GARNL3: variants seen among roughly 807,000 people sequenced by gnomAD.
The protein encoded by GARNL3 is GTPase activating Rap/RanGAP domain like 3.
GARNL3 carries 63 observed loss-of-function variants against 125.0 expected under a neutral mutation model. The ratio of observed to expected loss-of-function variants is 0.50; its 90% CI spans 0.41 to 0.62. GARNL3 has a LOEUF of 0.62. Among genes scored for constraint, GARNL3 ranks in the 20% least tolerant of loss-of-function variants. The pLI, the probability that GARNL3 is intolerant of heterozygous loss-of-function variation, is 0.00. For missense variants in GARNL3, 994 were observed against 1,244.0 expected (o/e 0.80, Z 3.02); for synonymous variants, 439 against 457.5 (o/e 0.96, Z 0.52).
At chr9:127,338,544 C>G (rs534089763) in intron 12 of GARNL3, among the ~76,000 whole-genome samples, 2 of 152,128 alleles carry the variant, frequency 1.3e-5, no homozygotes, top group East Asian at 3.8e-4. Context: ...GATTTGAGTT[C>G]GAATCCCAGT....
In GARNL3 at chr9:127,387,286, C is replaced by A. The variant is rs759255226; in HGVS notation, c.2482C>A (p.Pro828Thr). 3.1e-6 allele frequency: 5 copies of A among 1,613,926 alleles called. No individual in the cohort carries two copies. Among genetic ancestry groups the A allele is most frequent in the African/African-American group, 1.3e-5 (1 of 74,932 alleles). ...CAGTGCCCGAAATTCTCCTCAGACA[C>A]CCCCGGGCCGAGATACTCCAGTATT... ...GASARNSPQT[P>T]PGRDTPVFPS... The change falls in exon 25 of 28, where the codon CCC becomes ACC. Residue 828 changes from proline (P) to threonine (T), a missense_variant. By Grantham distance (38) the Pro-to-Thr change is conservative. Coordinates refer to ENST00000373387, the MANE Select transcript of GARNL3 (RefSeq NM_032293.5).
At chr9:127,369,887 G>C (rs10987620) in intron 22 of GARNL3, among the ~76,000 whole-genome samples, 1 of 152,132 alleles carries the variant, frequency 6.6e-6, no homozygotes, top group African/African-American at 2.4e-5. Context: ...AGGGAGAGGG[G>C]GAGAATTGCT....
At chr9:127,323,285 T>G (rs2065458656) in intron 6 of GARNL3, among the ~76,000 whole-genome samples, 1 of 152,206 alleles carries the variant, frequency 6.6e-6, no homozygotes, top group African/African-American at 2.4e-5. Context: ...TTTAAAAATC[T>G]GAATTATGTT....
intron 21 of GARNL3, chr9:127,363,352 A>G (rs539779297): frequency 7.2e-5 from 11 of 152,200 alleles, no homozygotes; most frequent in African/African-American, 2.4e-4. Flanking sequence ...TTATGTACTT[A>G]TGTGCTTTTC....
chr9:127,324,795 A>C (rs1361277311), intron 6 of GARNL3, among the ~76,000 whole-genome samples: 1 of 152,234 alleles, frequency 6.6e-6, no homozygotes, highest in Non-Finnish European at 1.5e-5. Flanking sequence ...AACACAGTTA[A>C]GAATGCGACA....
intron 1 of GARNL3, among the ~76,000 whole-genome samples, chr9:127,230,228 T>G (rs532781816): frequency 1.3e-5 from 2 of 152,388 alleles, no homozygotes; most frequent in East Asian, 3.9e-4. Flanking sequence ...GTAACCCCTC[T>G]GAACCTTAGT....
At chr9:127,375,491 A>G (rs1046794203) in intron 22 of GARNL3, among the ~76,000 whole-genome samples, 4 of 151,898 alleles carry the variant, frequency 2.6e-5, no homozygotes, top group African/African-American at 9.7e-5. Flanking sequence ...AAAGAAAAGA[A>G]AGAAATGAAA....
At chr9:127,296,828 C>T (rs1284553127) in intron 2 of GARNL3, among the ~76,000 whole-genome samples, 7 of 151,922 alleles carry the variant, frequency 4.6e-5, no homozygotes, top group Non-Finnish European at 1.0e-4. Flanking sequence ...TCTTCAAACC[C>T]TCTCTCACCC....
chr9:127,393,066 T>C lies in GARNL3; in HGVS notation c.2871-17T>C. On this transcript the variant is annotated splice_polypyrimidine_tract_variant and intron_variant, in intron 27 of 27. Transcript: ENST00000373387. ...GGTACTCCCAAAGATCCTCTTACAG[T>C]GACTTTTCTCTTCTAGGATCCCATC... is the stretch of plus-strand genomic sequence containing the variant. 6.3e-7 allele frequency: 1 copy of C among 1,579,094 alleles called. No individual in the cohort carries two copies. Among genetic ancestry groups the C allele is most frequent in the Non-Finnish European group, 8.7e-7 (1 of 1,153,750 alleles).
intron 6 of GARNL3, among the ~76,000 whole-genome samples, chr9:127,323,766 T>C (rs1434557899): frequency 6.6e-6 from 1 of 151,654 alleles, no homozygotes; most frequent in East Asian, 1.9e-4. Context: ...CCCATAAATA[T>C]ATATATATAC....
chr9:127,261,705 G>T (rs879014562), upstream of GARNL3, among the ~76,000 whole-genome samples: 2 of 152,232 alleles, frequency 1.3e-5, no homozygotes, highest in South Asian at 4.1e-4. Context: ...GAGCCACCGC[G>T]CCCGGCCTTC....
chr9:127,391,553 G>T (rs1455032193), intron 27 of GARNL3, among the ~76,000 whole-genome samples: 1 of 88,058 alleles, frequency 1.1e-5, no homozygotes, highest in African/African-American at 3.5e-5. Flanking sequence ...TATATATATA[G>T]GCTGGGTCTG....
chr9:127,296,464 CTTTTTTTT>C (rs777082855), intron 2 of GARNL3, among the ~76,000 whole-genome samples: 2 of 87,106 alleles, frequency 2.3e-5, no homozygotes, highest in Non-Finnish European at 4.4e-5. Context: ...GTAGGCATGA[CTTTTTTTT>C]TTTTTTTTTT....
intron 2 of GARNL3, among the ~76,000 whole-genome samples, chr9:127,308,323 A>G (rs1296662014): frequency 6.6e-6 from 1 of 152,218 alleles, no homozygotes; most frequent in Non-Finnish European, 1.5e-5. Flanking sequence ...AGGAGGGAAG[A>G]TGCTGCATTC....
At chr9:127,353,481 CTTT>C (rs61634410) in intron 17 of GARNL3, 78 of 145,076 alleles carry the variant, frequency 5.4e-4, no homozygotes, top group Non-Finnish European at 8.5e-4. Context: ...AATGGCTGCT[CTTT>C]TTTTTTTTTT....
intron 2 of GARNL3, among the ~76,000 whole-genome samples, chr9:127,295,767 G>T (rs1420559149): frequency 6.6e-6 from 1 of 151,684 alleles, no homozygotes; most frequent in Non-Finnish European, 1.5e-5. Context: ...TAAAGCATCA[G>T]TCCCCAACCT....
chr9:127,317,000 G>C lies in GARNL3; in HGVS notation c.439-1063G>C, dbSNP rs150785318. On this transcript the variant is annotated intron_variant, in intron 4 of 27. Transcript: ENST00000373387. ...ACAATTTTATTACTAATCAAAGTCA[G>C]GAAGAAAGTTTTAAATGTGTGGTAT... 5.4e-3 allele frequency among the ~76,000 whole-genome samples: 825 copies of C among 152,300 alleles called. 4 individuals carry two copies. The highest frequency in any genetic ancestry group is 0.018 in the African/African-American group (738 of 41,568).
intron 21 of GARNL3, among the ~76,000 whole-genome samples, chr9:127,360,264 C>T (rs1218118995): frequency 6.6e-6 from 1 of 152,124 alleles, no homozygotes; most frequent in South Asian, 2.1e-4. Context: ...CTCGTGATCC[C>T]GCCCACCTTG....
chr9:127,316,800 T>G (rs1415824649), intron 4 of GARNL3, among the ~76,000 whole-genome samples: 3 of 152,176 alleles, frequency 2.0e-5, no homozygotes, highest in African/African-American at 7.2e-5. Context: ...ATGAAAGTTT[T>G]GTTTATGCAA....
Sources: gnomAD v4.1 joint callset for allele counts (sites outside exome capture counted in the v4.1 genomes callset) on GRCh38, gnomAD v4.1.1 for gene constraint, MANE v1.5 for transcripts, NCBI Gene and HGNC (gene_info 2026-07-23, HGNC 2026-07-21) for gene names.